Variants in MAML3 observed in about 807,000 individuals in gnomAD.
The protein encoded by MAML3 is mastermind-like protein 3.
MAML3 carries 27 observed loss-of-function variants against 101.9 expected under a neutral mutation model. That is an observed-to-expected ratio of 0.27 (90% CI 0.20 to 0.37). The LOEUF is 0.37. Among genes scored for constraint, MAML3 ranks in the 10% least tolerant of loss-of-function variants. MAML3 has a pLI of 1.00. For missense variants in MAML3, 1,316 were observed against 1,444.9 expected (o/e 0.91, Z 1.45); for synonymous variants, 501 against 555.9 (o/e 0.90, Z 1.39).
At chr4:139,752,807 G>A (rs565108228) in intron 2 of MAML3, among the ~76,000 whole-genome samples, 1 of 152,256 alleles carries the variant, frequency 6.6e-6, no homozygotes, top group African/African-American at 2.4e-5. Context: ...ATAATTTTAA[G>A]GGAAAAAAAT....
intron 1 of MAML3, among the ~76,000 whole-genome samples, chr4:139,900,384 C>T (rs1283713794): frequency 1.3e-5 from 2 of 152,156 alleles, no homozygotes; most frequent in Non-Finnish European, 2.9e-5. Context: ...TAAGTACCAA[C>T]TGAATGCACA....
intron 2 of MAML3, among the ~76,000 whole-genome samples, chr4:139,879,573 A>ATGG (rs1469669416): frequency 1.5e-5 from 2 of 133,852 alleles, no homozygotes; most frequent in African/African-American, 2.7e-5. Flanking sequence ...GAGAAAGAAA[A>ATGG]TGGTGGTGGT....
chr4:140,039,593 A>G lies in MAML3; in HGVS notation c.468+113267T>C, dbSNP rs1214325635. Reference sequence around the variant, plus strand: ...CCCCATAGCACTGTAGGCACAGCCCACCCACCCCGACTGTGCAGGTGACAT... The same window carrying G: ...CCCCATAGCACTGTAGGCACAGCCCGCCCACCCCGACTGTGCAGGTGACAT... On this transcript the variant is annotated intron_variant, in intron 1 of 4. Coordinates refer to ENST00000509479, the MANE Select transcript of MAML3 (RefSeq NM_018717.5). Among the ~76,000 whole-genome samples the G allele has an allele frequency of 2.0e-5, 3 of 152,130 alleles. No homozygotes were observed. In the East Asian group the frequency reaches 5.8e-4, roughly 30 times the overall value.
chr4:140,140,295 G>A (rs763441007), intron 1 of MAML3, among the ~76,000 whole-genome samples: 2 of 152,110 alleles, frequency 1.3e-5, no homozygotes, highest in African/African-American at 2.4e-5. Context: ...CTGCACTCCA[G>A]CCTGGGTGAC....
intron 2 of MAML3, among the ~76,000 whole-genome samples, chr4:139,804,179 T>C (rs951823269): frequency 2.2e-4 from 33 of 152,080 alleles, no homozygotes; most frequent in Non-Finnish European, 2.9e-4. Flanking sequence ...GGGTCTTAAA[T>C]AGTTGGCAAC....
At chr4:139,917,642 G>T (rs1016149542) in intron 1 of MAML3, among the ~76,000 whole-genome samples, 3 of 152,148 alleles carry the variant, frequency 2.0e-5, no homozygotes, top group Non-Finnish European at 2.9e-5. Context: ...TGGGGAGAAA[G>T]AATTCAGCCT....
Position 139,735,877 on chromosome 4 carries a change from G to A in MAML3, c.2080-5210C>T, listed in dbSNP as rs1345223721. Among the ~76,000 whole-genome samples the A allele has an allele frequency of 6.6e-6, 1 of 151,860 alleles. No individual in the cohort carries two copies. Among genetic ancestry groups the A allele is most frequent in the African/African-American group, 2.4e-5 (1 of 41,372 alleles). ...AGGGGCGGTGCGGCGGCGCTCGGGA[G>A]ACCCGCGAGGGGCCCTGGAGGTCCT... is the stretch of plus-strand genomic sequence containing the variant. On this transcript the variant is annotated intron_variant, in intron 2 of 4. Transcript: ENST00000509479. This position sits in a 1 kb window ranked among gnomAD's most constrained non-coding sequence, Gnocchi z 5.8.
chr4:140,127,688 T>C lies in MAML3; in HGVS notation c.468+25172A>G, dbSNP rs1191477023. Among the ~76,000 whole-genome samples the C allele has an allele frequency of 3.9e-5, 6 of 152,322 alleles. No homozygotes were observed. In the East Asian group the frequency reaches 9.6e-4, roughly 24 times the overall value. On this transcript the variant is annotated intron_variant, in intron 1 of 4. Coordinates refer to ENST00000509479, the MANE Select transcript of MAML3 (RefSeq NM_018717.5). ...GCTGATATTTATAGAAGGCTCACTG[T>C]GGATCCAGAACTTTACTGAAAATTC... is the stretch of plus-strand genomic sequence containing the variant.
chr4:140,056,904 C>T (rs2110931083), intron 1 of MAML3, among the ~76,000 whole-genome samples: 1 of 152,150 alleles, frequency 6.6e-6, no homozygotes, highest in East Asian at 1.9e-4. Flanking sequence ...TGAGTGCTTA[C>T]TCTGTGCAGG....
intron 1 of MAML3, among the ~76,000 whole-genome samples, chr4:140,103,797 T>C (rs546728322): frequency 9.0e-4 from 137 of 152,330 alleles, no homozygotes; most frequent in African/African-American, 3.1e-3. Flanking sequence ...TCCTGGGCAC[T>C]GCAAGCTGGT....
At chr4:139,797,482 T>TGTTCC (rs1730531206) in intron 2 of MAML3, among the ~76,000 whole-genome samples, 1 of 151,872 alleles carries the variant, frequency 6.6e-6, no homozygotes, top group Non-Finnish European at 1.5e-5. Flanking sequence ...GTGTGTATGC[T>TGTTCC]GTTCCAGAGT....
intron 1 of MAML3, among the ~76,000 whole-genome samples, chr4:140,059,391 T>C (rs1727405583): frequency 6.6e-6 from 1 of 152,178 alleles, no homozygotes; most frequent in Non-Finnish European, 1.5e-5. Flanking sequence ...CACTTCTCTT[T>C]ACTGTACACA....
chr4:139,964,419 A>C (rs1037188759), intron 1 of MAML3, among the ~76,000 whole-genome samples: 1 of 152,128 alleles, frequency 6.6e-6, no homozygotes, highest in African/African-American at 2.4e-5. Flanking sequence ...GAGGGGAACA[A>C]CACACACCAG....
chr4:140,094,517 C>A (rs1728118771), intron 1 of MAML3, among the ~76,000 whole-genome samples: 2 of 152,180 alleles, frequency 1.3e-5, no homozygotes, highest in African/African-American at 4.8e-5. Flanking sequence ...TTCTCTCAGG[C>A]CTTCTAATTA....
chr4:140,092,092 A>ACG (rs1728066377), intron 1 of MAML3, among the ~76,000 whole-genome samples: 8 of 127,406 alleles, frequency 6.3e-5, no homozygotes, highest in African/African-American at 8.6e-5. Flanking sequence ...ATATACGTAT[A>ACG]TATATATATA....
intron 2 of MAML3, among the ~76,000 whole-genome samples, chr4:139,841,266 C>T (rs6840907): frequency 0.34 from 52,251 of 152,008 alleles, 9,540 homozygotes; most frequent in East Asian, 0.68. Context: ...ACCTTTTGGG[C>T]AACGAAGAGC....
At chr4:139,904,667 G>A (rs1472396463) in intron 1 of MAML3, among the ~76,000 whole-genome samples, 2 of 152,180 alleles carry the variant, frequency 1.3e-5, no homozygotes, top group Non-Finnish European at 2.9e-5. Flanking sequence ...TTGGGTCAGA[G>A]GAGAAGGAAG....
chr4:140,096,770 A>G (rs915533247), intron 1 of MAML3, among the ~76,000 whole-genome samples: 1 of 152,216 alleles, frequency 6.6e-6, no homozygotes, highest in African/African-American at 2.4e-5. Flanking sequence ...ACACCATCAC[A>G]CAAAGGTACA....
At chr4:140,093,309 A>G (rs977145054) in intron 1 of MAML3, among the ~76,000 whole-genome samples, 4 of 152,172 alleles carry the variant, frequency 2.6e-5, no homozygotes, top group Non-Finnish European at 5.9e-5. Context: ...ACTAAATCAG[A>G]AAAAAAGCTT....
Sources: allele counts gnomAD v4.1 joint callset (sites outside exome capture counted in the v4.1 genomes callset), GRCh38; gene constraint gnomAD v4.1.1; non-coding constraint Gnocchi (gnomAD v3.1); transcripts MANE v1.5; gene names NCBI Gene and HGNC (gene_info 2026-07-23, HGNC 2026-07-21).